Variants in CCSER1 observed in about 807,000 individuals in gnomAD.
CCSER1 encodes serine-rich coiled-coil domain-containing protein 1.
In CCSER1, 41 loss-of-function variants were observed where a neutral mutation model predicts 82.0. The ratio of observed to expected loss-of-function variants is 0.50; its 90% confidence interval spans 0.39 to 0.65. The LOEUF (loss-of-function observed/expected upper bound fraction) is 0.65, where lower values mean the gene tolerates loss of function less well. CCSER1 is among the 30% of genes least tolerant of loss of function. CCSER1 has a pLI of 0.00. For missense variants in CCSER1, 1,119 were observed against 1,064.2 expected (o/e 1.05, Z -0.72); for synonymous variants, 414 against 383.9 (o/e 1.08, Z -0.92).
At chr4:91,039,544 G>T (rs965548518) in intron 9 of CCSER1, among the ~76,000 whole-genome samples, 2 of 151,998 alleles carry the variant, frequency 1.3e-5, no homozygotes, top group Non-Finnish European at 2.9e-5. Context: ...GAATGGAAAT[G>T]GTAAAATTGT....
intron 7 of CCSER1, among the ~76,000 whole-genome samples, chr4:90,791,013 G>A (rs544268101): frequency 1.3e-5 from 2 of 152,290 alleles, no homozygotes; most frequent in South Asian, 4.1e-4. Context: ...AAAGAAAAGA[G>A]ATTTAATTGA....
At chr4:90,498,220 C>A (rs1383501769) in intron 5 of CCSER1, among the ~76,000 whole-genome samples, 6 of 151,918 alleles carry the variant, frequency 3.9e-5, no homozygotes, top group South Asian at 2.1e-4. Flanking sequence ...AGATTGACAA[C>A]AATAATGAAT....
intron 10 of CCSER1, among the ~76,000 whole-genome samples, chr4:91,348,511 A>C (rs548086698): frequency 6.6e-6 from 1 of 152,336 alleles, no homozygotes; most frequent in East Asian, 1.9e-4. Context: ...AAATATTCCC[A>C]CTACTTCCAT....
intron 5 of CCSER1, among the ~76,000 whole-genome samples, chr4:90,572,902 G>C (rs969269778): frequency 1.3e-5 from 2 of 152,248 alleles, no homozygotes; most frequent in Admixed American, 6.5e-5. Context: ...CTTCATCCTT[G>C]TGATTGAGCA....
intron 5 of CCSER1, among the ~76,000 whole-genome samples, chr4:90,484,949 G>T (rs1043618210): frequency 6.6e-6 from 1 of 152,212 alleles, no homozygotes; most frequent in East Asian, 1.9e-4. Flanking sequence ...GCTGTCTTTT[G>T]TTTGTCTGTG....
intron 10 of CCSER1, among the ~76,000 whole-genome samples, chr4:91,576,261 G>T (rs1332971470): frequency 3.3e-5 from 5 of 151,816 alleles, no homozygotes; most frequent in Admixed American, 2.0e-4. Flanking sequence ...AACAATGTAG[G>T]TTTACCTGGA....
chr4:91,590,859 A>G (rs1240595953), intron 10 of CCSER1, among the ~76,000 whole-genome samples: 3 of 152,186 alleles, frequency 2.0e-5, no homozygotes, highest in Admixed American at 2.0e-4. Context: ...AAAATTAATT[A>G]TAAAGGCTTA....
intron 10 of CCSER1, among the ~76,000 whole-genome samples, chr4:91,460,306 G>A (rs1756434728): frequency 6.6e-6 from 1 of 152,066 alleles, no homozygotes; most frequent in South Asian, 2.1e-4. Flanking sequence ...AGATTTCAAA[G>A]TCTCTTGTTG....
At chr4:90,142,195 ATCT>A (rs1302234064) in intron 1 of CCSER1, among the ~76,000 whole-genome samples, 1 of 152,192 alleles carries the variant, frequency 6.6e-6, no homozygotes, top group Non-Finnish European at 1.5e-5. Flanking sequence ...CCAAACACAG[ATCT>A]TCTACTTTGT....
intron 4 of CCSER1, among the ~76,000 whole-genome samples, chr4:90,457,580 G>A (rs1006084189): frequency 1.3e-5 from 2 of 152,182 alleles, no homozygotes; most frequent in African/African-American, 4.8e-5. Flanking sequence ...GCTCTCAGCT[G>A]AGAGAAGACC....
At chr4:91,173,312 G>A (rs986156633) in intron 10 of CCSER1, among the ~76,000 whole-genome samples, 1 of 152,086 alleles carries the variant, frequency 6.6e-6, no homozygotes, top group Non-Finnish European at 1.5e-5. Flanking sequence ...GTCATAAGAG[G>A]GGCCAGGCGC....
chr4:91,431,875 T>C (rs558255723), intron 10 of CCSER1, among the ~76,000 whole-genome samples: 1 of 152,212 alleles, frequency 6.6e-6, no homozygotes, highest in Non-Finnish European at 1.5e-5. Context: ...CACAGGTTTT[T>C]TTTTTCTTTA....
intron 7 of CCSER1, among the ~76,000 whole-genome samples, chr4:90,728,617 T>C (rs969234281): frequency 1.3e-5 from 2 of 152,112 alleles, no homozygotes. Flanking sequence ...GGAGGTTCGC[T>C]TGAGCTCAGG....
At chr4:90,470,418 G>A (rs80311788) in intron 5 of CCSER1, among the ~76,000 whole-genome samples, 2,425 of 152,216 alleles carry the variant, frequency 0.016, 39 homozygotes, top group African/African-American at 0.047. Flanking sequence ...ATAAATGCAA[G>A]CACAGTGATT....
chr4:90,952,386 G>A (rs1733007174), intron 9 of CCSER1, among the ~76,000 whole-genome samples: 1 of 151,972 alleles, frequency 6.6e-6, no homozygotes, highest in Admixed American at 6.6e-5. Context: ...AAAAAGTAAT[G>A]GGAAGAGGCC....
intron 10 of CCSER1, among the ~76,000 whole-genome samples, chr4:91,087,114 A>G (rs1034140504): frequency 1.3e-5 from 2 of 152,142 alleles, no homozygotes; most frequent in African/African-American, 4.8e-5. Flanking sequence ...ATTCAGATGT[A>G]ACCAAAATGG....
intron 6 of CCSER1, among the ~76,000 whole-genome samples, chr4:90,641,088 T>G (rs945670076): frequency 5.3e-5 from 8 of 152,260 alleles, no homozygotes; most frequent in African/African-American, 1.9e-4. Flanking sequence ...TAGATAATTT[T>G]AAGTTTTCCC....
rs998635172 is a variant in CCSER1, at chr4:90,386,350, A to G, written c.1510-13686A>G. ...TAGAGAATCCAGAAATAAAGCCAAT[A>G]TCTATAAGCAATTGATCTTCTACAA... is the stretch of plus-strand genomic sequence containing the variant. On this transcript the variant is annotated intron_variant, in intron 3 of 10. Coordinates refer to ENST00000509176, the MANE Select transcript of CCSER1 (RefSeq NM_001145065.2). 5.3e-5 allele frequency among the ~76,000 whole-genome samples: 8 copies of G among 152,152 alleles called. 1 individual carries two copies. Among genetic ancestry groups the G allele is most frequent in the African/African-American group, 1.9e-4 (8 of 41,444 alleles).
At chr4:90,990,145 A>G (rs1477667206) in intron 9 of CCSER1, among the ~76,000 whole-genome samples, 1 of 151,828 alleles carries the variant, frequency 6.6e-6, no homozygotes, top group African/African-American at 2.4e-5. Context: ...AAATTAAGCA[A>G]CTCTCAACAA....
Sources: allele counts gnomAD v4.1 joint callset (sites outside exome capture counted in the v4.1 genomes callset), GRCh38; gene constraint gnomAD v4.1.1; transcripts MANE v1.5; gene names NCBI Gene and HGNC (gene_info 2026-07-23, HGNC 2026-07-21).